EEF1AKMT1: variants seen among roughly 807,000 people sequenced by gnomAD.
EEF1AKMT1 encodes EEF1A lysine methyltransferase 1, also known as N-6 adenine-specific DNA methyltransferase 2 (putative).
Under a neutral mutation model 21.0 loss-of-function variants are expected in EEF1AKMT1, and 18 were observed. The ratio of observed to expected loss-of-function variants is 0.86; its 90% CI spans 0.59 to 1.27. The LOEUF (loss-of-function observed/expected upper bound fraction) is 1.27, where lower values mean the gene tolerates loss of function less well. EEF1AKMT1 is among the 50% of genes most tolerant of loss of function. The pLI, the probability that EEF1AKMT1 is intolerant of heterozygous loss-of-function variation, is 0.00. For missense variants in EEF1AKMT1, 246 were observed against 258.6 expected, an observed-to-expected ratio of 0.95 and a Z score of 0.33; for synonymous variants, 109 against 94.8, an observed-to-expected ratio of 1.15 and a Z score of -0.87.
chr13:20,732,340 CT>C (rs1008526380), intron 3 of EEF1AKMT1, among the ~76,000 whole-genome samples: 10 of 151,058 alleles, frequency 6.6e-5, no homozygotes, highest in Non-Finnish European at 1.0e-4. Flanking sequence ...AATTTTTTTT[CT>C]TTTTTTTTGA....
intron 3 of EEF1AKMT1, among the ~76,000 whole-genome samples, chr13:20,735,099 G>C (rs1004842928): frequency 8.5e-5 from 13 of 152,142 alleles, no homozygotes; most frequent in Non-Finnish European, 1.8e-4. Flanking sequence ...CAGATGGGTG[G>C]GTAGTGGGGC....
At chr13:20,761,217 T>C (rs544285871) in intron 1 of EEF1AKMT1, among the ~76,000 whole-genome samples, 14 of 152,314 alleles carry the variant, frequency 9.2e-5, no homozygotes, top group Admixed American at 7.2e-4. Context: ...TGAGTTGTAC[T>C]ACCTTTTTAA....
chr13:20,735,788 A>G (rs1209858110), intron 3 of EEF1AKMT1, among the ~76,000 whole-genome samples: 1 of 152,216 alleles, frequency 6.6e-6, no homozygotes, highest in Non-Finnish European at 1.5e-5. Flanking sequence ...GGGAGAAGAG[A>G]ACTTTAAAAA....
At chr13:20,734,577 A>ATTAT (rs10594463) in intron 3 of EEF1AKMT1, among the ~76,000 whole-genome samples, 56,045 of 147,316 alleles carry the variant, frequency 0.38, 12,123 homozygotes, top group Middle Eastern at 0.53. Flanking sequence ...TCTTTATTTT[A>ATTAT]TTATTTATTT....
chr13:20,765,782 G>C (rs751640175), intron 1 of EEF1AKMT1, among the ~76,000 whole-genome samples: 3 of 147,296 alleles, frequency 2.0e-5, no homozygotes, highest in Admixed American at 2.0e-4. Context: ...TTTTTTTTTA[G>C]AATTCTTTTA....
intron 1 of EEF1AKMT1, among the ~76,000 whole-genome samples, chr13:20,760,265 A>G (rs2058994361): frequency 2.6e-5 from 4 of 152,336 alleles, no homozygotes; most frequent in African/African-American, 9.6e-5. Flanking sequence ...TATTCACAAT[A>G]GTAAAGCCAT....
intron 2 of EEF1AKMT1, among the ~76,000 whole-genome samples, chr13:20,754,262 G>A (rs1010666870): frequency 8.7e-6 from 1 of 114,688 alleles, no homozygotes; most frequent in Non-Finnish European, 2.2e-5. Flanking sequence ...TTTGTTGGCA[G>A]TTTTTTTTTC....
At chr13:20,748,719 T>TTTG (rs2058923287) in intron 2 of EEF1AKMT1, among the ~76,000 whole-genome samples, 5 of 90,650 alleles carry the variant, frequency 5.5e-5, no homozygotes, top group African/African-American at 1.8e-4. Flanking sequence ...ATAGTTGTTT[T>TTTG]TTTTTGGTTT....
At chr13:20,731,700 T>C (rs971690858) in intron 4 of EEF1AKMT1, 141 bp downstream of exon 4, 3 of 851,570 alleles carry the variant, frequency 3.5e-6, no homozygotes, top group Non-Finnish European at 5.5e-6. Flanking sequence ...AGTTTACAGA[T>C]AAGGAATCCA....
At chr13:20,747,400 C>A in intron 2 of EEF1AKMT1, 1 of 227,444 alleles carries the variant, frequency 4.4e-6, no homozygotes. Flanking sequence ...CTCAGTTGCC[C>A]TCAACACAAT....
At chr13:20,758,731 A>G (rs2058983987) in intron 1 of EEF1AKMT1, among the ~76,000 whole-genome samples, 1 of 152,232 alleles carries the variant, frequency 6.6e-6, no homozygotes, top group Non-Finnish European at 1.5e-5. Context: ...CTAAGCAAAA[A>G]GAACAAAGCT....
At chr13:20,767,180 C>T (rs964804382) in intron 1 of EEF1AKMT1, among the ~76,000 whole-genome samples, 2 of 151,616 alleles carry the variant, frequency 1.3e-5, no homozygotes, top group Non-Finnish European at 2.9e-5. Flanking sequence ...GTGGCAAGCA[C>T]CTGTAGTCCC....
intron 2 of EEF1AKMT1, among the ~76,000 whole-genome samples, chr13:20,749,092 C>G (rs1051516639): frequency 6.6e-6 from 1 of 152,104 alleles, no homozygotes; most frequent in Admixed American, 6.5e-5. Context: ...CATTATTGAG[C>G]CAAGTGGTAT....
At chr13:20,746,628 G>A (rs533098552) in intron 2 of EEF1AKMT1, among the ~76,000 whole-genome samples, 1 of 152,260 alleles carries the variant, frequency 6.6e-6, no homozygotes, top group South Asian at 2.1e-4. Context: ...GTTGTCTGCT[G>A]GTTTACTACT....
chr13:20,732,199 T>C (rs2141410698), intron 3 of EEF1AKMT1, 78 bp from the exon 4 acceptor site: 1 of 1,451,568 alleles, frequency 6.9e-7, no homozygotes, highest in Non-Finnish European at 9.3e-7. Flanking sequence ...CACTAAACAA[T>C]ACATGGGTCC....
In EEF1AKMT1 at chr13:20,728,939, G is replaced by T. The variant is rs997056502; in HGVS notation, c.*141C>A. 1.9e-6 allele frequency: 2 copies of T among 1,074,742 alleles called. No homozygotes were observed. Among genetic ancestry groups the T allele is most frequent in the Non-Finnish European group, 2.7e-6 (2 of 730,370 alleles). 66.6% of individuals were successfully genotyped at this position (1,074,742 alleles called of 1,614,324 possible). ...CCCTAAGGAAACAATAATGAAGATC[G>T]CACACTTTATTTTGAAAACCAGGCC... On this transcript the variant is annotated 3_prime_UTR_variant, in exon 5 of 5. Transcript: ENST00000382758.
intron 2 of EEF1AKMT1, among the ~76,000 whole-genome samples, chr13:20,740,883 C>G (rs143850074): frequency 1.9e-3 from 294 of 151,910 alleles, no homozygotes; most frequent in African/African-American, 6.3e-3. Flanking sequence ...AAACTGAGAT[C>G]TGCTTAAATA....
Position 20,757,475 on chromosome 13 carries a change from C to T in EEF1AKMT1, c.124G>A (p.Gly42Arg). Residue 42 changes from glycine (G) to arginine (R), a missense_variant, in exon 2 of 5, where the codon GGA becomes AGA. Physicochemically the swap from Gly to Arg is moderately radical, Grantham distance 125. Transcript: ENST00000382758. ...EPGEDDKYNI[G>R]IIEENWQLSQ... ...CTTACCCAATTCTCTTCTATTATTC[C>T]AATGTTATATTTATCATCCTCGCCT... 1 of 1,613,980 alleles carries T rather than the reference C, an allele frequency of 6.2e-7. No individual in the cohort carries two copies. The highest frequency in any genetic ancestry group is 1.1e-5 in the South Asian group (1 of 91,052).
At chr13:20,734,233 A>G (rs2058813875) in intron 3 of EEF1AKMT1, among the ~76,000 whole-genome samples, 1 of 152,250 alleles carries the variant, frequency 6.6e-6, no homozygotes, top group South Asian at 2.1e-4. Context: ...ATTCCCTGAG[A>G]AATCCACCTG....
Sources: gnomAD v4.1 joint callset for allele counts (sites outside exome capture counted in the v4.1 genomes callset) on GRCh38, gnomAD v4.1.1 for gene constraint, MANE v1.5 for transcripts, NCBI Gene and HGNC (gene_info 2026-07-23, HGNC 2026-07-21) for gene names.